Variants in RBFOX2 observed in about 807,000 individuals in gnomAD.
RBFOX2 encodes the protein RNA binding protein fox-1 homolog 2.
RBFOX2 carries 10 observed loss-of-function variants against 49.1 expected under a neutral mutation model. The observed-to-expected ratio is 0.20, with a 90% CI of 0.13 to 0.35. The LOEUF is 0.35. Among genes scored for constraint, RBFOX2 ranks in the 10% least tolerant of loss-of-function variants. RBFOX2 has a pLI of 1.00. For synonymous variants in RBFOX2, 183 were observed against 187.4 expected, an observed-to-expected ratio of 0.98 and a Z score of 0.19; for missense variants, 323 against 486.9, an observed-to-expected ratio of 0.66 and a Z score of 3.17.
chr22:36,028,515 G>T (rs994617821), exon 1 of RBFOX2: 56 of 1,018,514 alleles, frequency 5.5e-5, no homozygotes, highest in Non-Finnish European at 6.6e-5. Flanking sequence ...GCGACAGGCG[G>T]GCGCGCGCCT....
intron 1 of RBFOX2, among the ~76,000 whole-genome samples, chr22:35,900,320 C>A (rs956899839): frequency 2.0e-5 from 3 of 151,688 alleles, no homozygotes; most frequent in Non-Finnish European, 4.4e-5. Context: ...ACCATGTTGG[C>A]CAGGCTGGCA....
At chr22:35,876,888 T>C (rs566401916) in intron 1 of RBFOX2, among the ~76,000 whole-genome samples, 3 of 152,218 alleles carry the variant, frequency 2.0e-5, no homozygotes, top group Non-Finnish European at 2.9e-5. Context: ...ATAGCTAAAA[T>C]AGCAGAAAAT....
At chr22:35,769,552 T>C (rs1942063924) in intron 4 of RBFOX2, among the ~76,000 whole-genome samples, 1 of 152,194 alleles carries the variant, frequency 6.6e-6, no homozygotes, top group Admixed American at 6.5e-5. Context: ...TTACAAATAA[T>C]TTCCATGCTG....
chr22:35,919,731 A>C (rs531321475), intron 1 of RBFOX2, among the ~76,000 whole-genome samples: 3 of 152,252 alleles, frequency 2.0e-5, no homozygotes, highest in African/African-American at 7.2e-5. Context: ...GCCCTTGGAG[A>C]GTATATCACC....
In RBFOX2 at chr22:35,752,260, T is replaced by C. The variant is rs7285537; in HGVS notation, c.888-5699A>G. On this transcript the variant is annotated intron_variant, in intron 9 of 11. Coordinates refer to ENST00000405409, the Ensembl canonical transcript of RBFOX2. ...TTCTAAATTTATAGTAGTAAGAAAATGTCCCCAACTGCTAAGATCTAAATA... is the reference window on the plus strand; with the variant it reads ...TTCTAAATTTATAGTAGTAAGAAAACGTCCCCAACTGCTAAGATCTAAATA... Among the ~76,000 whole-genome samples, 393 of 152,300 alleles carry C rather than the reference T, an allele frequency of 2.6e-3. 4 individuals are homozygous for C. The highest frequency in any genetic ancestry group is 9.2e-3 in the African/African-American group (384 of 41,566).
At chr22:35,814,210 T>C (rs928036646) in intron 1 of RBFOX2, among the ~76,000 whole-genome samples, 2 of 152,156 alleles carry the variant, frequency 1.3e-5, no homozygotes, top group Non-Finnish European at 2.9e-5. Context: ...CTGCAGGTAA[T>C]TGGTTCCAGG....
intron 1 of RBFOX2, among the ~76,000 whole-genome samples, chr22:35,956,729 T>A (rs2055602608): frequency 6.6e-6 from 1 of 152,134 alleles, no homozygotes; most frequent in African/African-American, 2.4e-5. Flanking sequence ...AAAAATGGCA[T>A]CCCATGAAAA....
intron 1 of RBFOX2, chr22:35,897,922 A>G: frequency 1.4e-6 from 1 of 738,708 alleles, no homozygotes; most frequent in Non-Finnish European, 2.5e-6. Context: ...GAATTTTCCA[A>G]CTTCAGCTTC....
In RBFOX2 at chr22:35,759,525, T is replaced by C. The variant is rs1291422349; in HGVS notation, c.887+363A>G. Among the ~76,000 whole-genome samples the C allele has an allele frequency of 6.6e-6, 1 of 152,162 alleles. No individual in the cohort carries two copies. The highest frequency in any genetic ancestry group is 6.5e-5 in the Admixed American group (1 of 15,284). On this transcript the variant is annotated intron_variant, in intron 9 of 11. Coordinates refer to ENST00000405409, the Ensembl canonical transcript of RBFOX2. This position sits in a 1 kb window ranked among gnomAD's most constrained non-coding sequence, Gnocchi z 4.6. ...GAACACAGCAGATGCAGGCTTGTAC[T>C]ACAATCTTGAGCTCCTCTTTTGGTT...
intron 1 of RBFOX2, among the ~76,000 whole-genome samples, chr22:35,860,930 C>T (rs1569412795): frequency 6.6e-6 from 1 of 152,160 alleles, no homozygotes; most frequent in Non-Finnish European, 1.5e-5. Context: ...ATGTTTGTAA[C>T]ACTTATCATT....
exon 1 of RBFOX2, chr22:36,028,547 C>A: frequency 1.1e-6 from 1 of 907,418 alleles, no homozygotes; most frequent in Non-Finnish European, 1.3e-6. Context: ...CGCGTGCGTG[C>A]GTGCGTGCGC....
chr22:35,886,765 G>A (rs1238617553), intron 1 of RBFOX2, among the ~76,000 whole-genome samples: 3 of 152,198 alleles, frequency 2.0e-5, no homozygotes, highest in Non-Finnish European at 4.4e-5. Context: ...TGCATTGACT[G>A]ATGCATTGAA....
intron 1 of RBFOX2, among the ~76,000 whole-genome samples, chr22:35,977,945 T>TG (rs1445886523): frequency 6.6e-6 from 1 of 150,994 alleles, no homozygotes; most frequent in Non-Finnish European, 1.5e-5. Flanking sequence ...TAAGAGTGGT[T>TG]GGGGGTCAGG....
At chr22:35,878,595 C>A (rs2045466816) in intron 1 of RBFOX2, among the ~76,000 whole-genome samples, 3 of 152,170 alleles carry the variant, frequency 2.0e-5, no homozygotes, top group Admixed American at 1.3e-4. Flanking sequence ...GTCCCACCAA[C>A]CCTGGCTAAT....
chr22:35,858,802 G>C (rs1039942089), intron 1 of RBFOX2, among the ~76,000 whole-genome samples: 11 of 149,168 alleles, frequency 7.4e-5, no homozygotes, highest in African/African-American at 2.7e-4. Flanking sequence ...CTCCAGCCTG[G>C]GCAACAAGAG....
At chr22:35,777,953 A>C in intron 4 of RBFOX2, 72 bp downstream of exon 5, 4 of 1,410,640 alleles carry the variant, frequency 2.8e-6, no homozygotes, top group Non-Finnish European at 3.9e-6. Context: ...ATGTTTTCTG[A>C]ATACTTGCTA....
At chr22:35,930,289 G>T (rs1471120109) in intron 1 of RBFOX2, among the ~76,000 whole-genome samples, 1 of 151,784 alleles carries the variant, frequency 6.6e-6, no homozygotes, top group East Asian at 1.9e-4. Context: ...CCAAAGTGCT[G>T]GGATTACAGG....
chr22:35,834,171 A>T (rs1373045493), intron 1 of RBFOX2, among the ~76,000 whole-genome samples: 1 of 152,190 alleles, frequency 6.6e-6, no homozygotes, highest in Non-Finnish European at 1.5e-5. Context: ...GTCTGTCTGG[A>T]TATCATTCCC....
chr22:35,746,329 A>G (rs1210307077), intron 10 of RBFOX2, 144 bp downstream of exon 12: 3 of 731,096 alleles, frequency 4.1e-6, no homozygotes. Flanking sequence ...GAGGCCATCA[A>G]GAGGTCTGCA....
Sources: allele counts gnomAD v4.1 joint callset (sites outside exome capture counted in the v4.1 genomes callset), GRCh38; gene constraint gnomAD v4.1.1; non-coding constraint Gnocchi (gnomAD v3.1); transcripts MANE v1.5; gene names NCBI Gene and HGNC (gene_info 2026-07-23, HGNC 2026-07-21).